The following PLCXD1 variants were observed in gnomAD, a reference collection of about 807,000 sequenced individuals.
PLCXD1 encodes the protein PI-PLC X domain-containing protein 1.
A neutral mutation model predicts 37.8 loss-of-function variants in PLCXD1; 45 were observed. The observed-to-expected ratio is 1.19, with a 90% CI of 0.94 to 1.53. PLCXD1 has a LOEUF of 1.53. Among genes scored for constraint, PLCXD1 ranks in the 40% most tolerant of loss-of-function variants. PLCXD1 has a pLI of 0.00. For synonymous variants in PLCXD1, 246 were observed against 206.9 expected, an observed-to-expected ratio of 1.19 and a Z score of -1.62; for missense variants, 539 against 454.7, an observed-to-expected ratio of 1.19 and a Z score of -1.69.
At chrX:279,618 C>CA (rs1164542482), upstream of PLCXD1, among the ~76,000 whole-genome samples, 11 of 151,824 alleles carry the variant, frequency 7.2e-5, no homozygotes, top group African/African-American at 2.2e-4. Flanking sequence ...ACCAAAAATA[C>CA]AAAAAATTAG....
At chrX:284,017 G>A (rs2069364629) in intron 1 of PLCXD1, 150 bp from the exon 2 acceptor site, 1 of 639,404 alleles carries the variant, frequency 1.6e-6, no homozygotes, top group Non-Finnish European at 2.8e-6. Flanking sequence ...GAGTAGCTGG[G>A]ATGACAGGTG....
At chrX:277,258 AG>A (rs2069175452), upstream of PLCXD1, among the ~76,000 whole-genome samples, 1 of 19,802 alleles carries the variant, frequency 5.0e-5, no homozygotes, top group Non-Finnish European at 1.1e-4. Context: ...GGGAGGGGTC[AG>A]GGGGAACGTG....
At chrX:295,750 A>G (rs1250173768) in intron 6 of PLCXD1, among the ~76,000 whole-genome samples, 4 of 151,840 alleles carry the variant, frequency 2.6e-5, no homozygotes, top group Admixed American at 2.0e-4. Flanking sequence ...GCTGGTCTCG[A>G]ACTCCTGACC....
chrX:293,296 C>T (rs1456294176), intron 6 of PLCXD1, 78 bp downstream of exon 6: 9 of 1,057,416 alleles, frequency 8.5e-6, no homozygotes, highest in Middle Eastern at 3.2e-4. Context: ...TCCACATGGA[C>T]TTGCCTTCAC....
At chrX:289,639 G>A (rs2069566058) in intron 3 of PLCXD1, among the ~76,000 whole-genome samples, 1 of 150,990 alleles carries the variant, frequency 6.6e-6, no homozygotes, top group South Asian at 2.1e-4. Flanking sequence ...AGCCTCCTGA[G>A]TAGCTGGGAC....
In PLCXD1 at chrX:300,580, ATATG is replaced by A. The variant is rs1168027125; in HGVS notation, c.*1247_*1250del. On this transcript the variant is annotated 3_prime_UTR_variant, in exon 7 of 7. Transcript: ENST00000381657. ...CATGTATATGTGTATGTGTACATGT[ATATG>A]TGTTTATACATGTATATGTGTGTAT... 2.2e-5 allele frequency: 3 copies of A among 138,552 alleles called. No individual in the cohort carries two copies. Among genetic ancestry groups the A allele is most frequent in the African/African-American group, 9.2e-5 (3 of 32,450 alleles). The allele number at this position is 138,552 out of a possible 1,614,324, so 8.6% of individuals were successfully genotyped here. A position where few individuals can be genotyped will look rare whatever the true frequency, so the allele number is the denominator to read the frequency against.
chrX:287,144 T>G (rs966874909), intron 2 of PLCXD1, among the ~76,000 whole-genome samples: 1 of 151,516 alleles, frequency 6.6e-6, no homozygotes, highest in Non-Finnish European at 1.5e-5. Context: ...GGCAACATAG[T>G]GAGGCCCCAT....
At chrX:288,095 C>T (rs1466915930) in intron 2 of PLCXD1, among the ~76,000 whole-genome samples, 1 of 151,044 alleles carries the variant, frequency 6.6e-6, no homozygotes, top group African/African-American at 2.4e-5. Flanking sequence ...GTGGCCTCCT[C>T]CTCTGGGTCT....
At chrX:287,045 C>T (rs1204052219) in intron 2 of PLCXD1, among the ~76,000 whole-genome samples, 7 of 151,834 alleles carry the variant, frequency 4.6e-5, no homozygotes, top group African/African-American at 1.5e-4. Flanking sequence ...GGGGGAAGGC[C>T]GGGCGTGGTG....
upstream of PLCXD1, among the ~76,000 whole-genome samples, chrX:278,738 CAA>C (rs549455644): frequency 6.8e-5 from 7 of 102,848 alleles, no homozygotes; most frequent in Admixed American, 1.1e-4. Context: ...GACTCCGTCT[CAA>C]AAAAAAAAAA....
Position 300,496 on chromosome X carries a change from GTA to G in PLCXD1, c.*1167_*1168del, listed in dbSNP as rs772984870. The G allele has an allele frequency of 2.2e-5, 3 of 136,236 alleles. No individual in the cohort carries two copies. Among genetic ancestry groups the G allele is most frequent in the African/African-American group, 6.1e-5 (2 of 32,908 alleles). 8.4% of individuals were successfully genotyped at this position (136,236 alleles called of 1,614,324 possible). On this transcript the variant is annotated 3_prime_UTR_variant, in exon 7 of 7. Coordinates refer to ENST00000381657, the MANE Select transcript of PLCXD1 (RefSeq NM_018390.4). ...TGTGTGTGTATATGTGTGTATGTGT[GTA>G]TATATGTATATGTGTGCATATGTGT...
chrX:287,497 G>T (rs1166545151), intron 2 of PLCXD1, among the ~76,000 whole-genome samples: 98 of 121,248 alleles, frequency 8.1e-4, no homozygotes, highest in African/African-American at 3.3e-3. Context: ...TATAGATATA[G>T]ATACTATATA....
rs1475023748 is a variant in PLCXD1 at position 300,563 on chromosome X, T to C, written c.*1228T>C. 1.4e-5 allele frequency: 2 copies of C among 145,644 alleles called. No homozygotes were observed. Among genetic ancestry groups the C allele is most frequent in the Non-Finnish European group, 2.9e-5 (2 of 67,952 alleles). The allele number at this position is 145,644 out of a possible 1,614,324, so 9.0% of individuals were successfully genotyped here. ...ACATGTATATGTGTATGCATGTATA[T>C]GTGTATGTGTACATGTATATGTGTT... On this transcript the variant is annotated 3_prime_UTR_variant, in exon 7 of 7. Transcript: ENST00000381657.
At chrX:283,470 A>G (rs1390722153) in intron 1 of PLCXD1, 1 of 150,640 alleles carries the variant, frequency 6.6e-6, no homozygotes, top group Non-Finnish European at 1.5e-5. Context: ...CGCCCACCCC[A>G]GTTCCGTAAT....
intron 1 of PLCXD1, among the ~76,000 whole-genome samples, chrX:282,760 A>G (rs189762103): frequency 6.7e-6 from 1 of 149,978 alleles, no homozygotes; most frequent in African/African-American, 2.4e-5. Flanking sequence ...AGGCAGAGAA[A>G]GAATTTACAA....
rs938984785 is a variant in PLCXD1 at position 299,694 on chromosome X, T to C, written c.*359T>C. ...ACTGCTTGAAGCCGGGAGATGGAGG[T>C]TGCATTGAGCTGACATCGTGCCACT... On this transcript the variant is annotated 3_prime_UTR_variant, in exon 7 of 7. Coordinates refer to ENST00000381657, the MANE Select transcript of PLCXD1 (RefSeq NM_018390.4). The C allele has an allele frequency of 5.3e-6, 2 of 375,476 alleles. No homozygotes were observed. The highest frequency in any genetic ancestry group is 8.6e-5 in the Admixed American group (2 of 23,172). The allele number at this position is 375,476 out of a possible 1,614,324, so 23.3% of individuals were successfully genotyped here.
At chrX:298,833 TTCTG>T (rs1327655888) in intron 6 of PLCXD1, among the ~76,000 whole-genome samples, 504 of 147,288 alleles carry the variant, frequency 3.4e-3, no homozygotes, top group African/African-American at 0.012. Flanking sequence ...GGGGCCATTA[TTCTG>T]TCTATCACAT....
At chrX:295,617 C>G (rs34340520) in intron 6 of PLCXD1, among the ~76,000 whole-genome samples, 6 of 150,528 alleles carry the variant, frequency 4.0e-5, no homozygotes, top group Non-Finnish European at 7.4e-5. Flanking sequence ...CTCCGTCTCC[C>G]GGGTTCAAGC....
chrX:294,585 G>T (rs1266669926), intron 6 of PLCXD1, among the ~76,000 whole-genome samples: 1 of 150,532 alleles, frequency 6.6e-6, no homozygotes, highest in Admixed American at 6.6e-5. Context: ...ATCCATGGTC[G>T]CGCCACTGCA....
Sources: gnomAD v4.1 joint callset for allele counts (sites outside exome capture counted in the v4.1 genomes callset) on GRCh38, gnomAD v4.1.1 for gene constraint, MANE v1.5 for transcripts, NCBI Gene and HGNC (gene_info 2026-07-23, HGNC 2026-07-21) for gene names.